Variants in GRAMD4 observed in about 807,000 individuals in gnomAD.
The protein encoded by GRAMD4 is GRAM domain-containing protein 4.
GRAMD4 carries 25 observed loss-of-function variants against 83.9 expected under a neutral mutation model. The ratio of observed to expected loss-of-function variants is 0.30; its 90% CI spans 0.22 to 0.42. The LOEUF is 0.42. GRAMD4 is among the 10% of genes least tolerant of loss of function. The pLI is 1.00. For synonymous variants in GRAMD4, 336 were observed against 320.9 expected (o/e 1.05, Z -0.50); for missense variants, 593 against 788.7 (o/e 0.75, Z 2.97).
intron 13 of GRAMD4, among the ~76,000 whole-genome samples, chr22:46,669,985 G>A (rs776355969): frequency 2.0e-4 from 30 of 152,216 alleles, no homozygotes; most frequent in East Asian, 3.9e-4. Context: ...ATGTGGGAGC[G>A]AGGCCGCCAG....
intron 3 of GRAMD4, among the ~76,000 whole-genome samples, chr22:46,650,745 G>A (rs762820639): frequency 1.3e-5 from 2 of 152,178 alleles, no homozygotes; most frequent in Non-Finnish European, 1.5e-5. Context: ...GTCCTGTCCC[G>A]GGGGCTCCTA....
chr22:46,614,607 C>T (rs1451550415), intron 1 of GRAMD4, among the ~76,000 whole-genome samples: 3 of 152,158 alleles, frequency 2.0e-5, no homozygotes, highest in East Asian at 1.9e-4. Context: ...AGGGGCCAAC[C>T]GTGGAGACAG....
chr22:46,680,577 T>TCCAC (rs1569313349), downstream of GRAMD4, among the ~76,000 whole-genome samples: 56 of 15,212 alleles, frequency 3.7e-3, 1 homozygote, highest in Non-Finnish European at 5.6e-3. Flanking sequence ...CATCCATCCA[T>TCCAC]CCATCCATCC....
chr22:46,578,080 G>C (rs956486741), intron 1 of GRAMD4, among the ~76,000 whole-genome samples: 2 of 152,188 alleles, frequency 1.3e-5, no homozygotes, highest in African/African-American at 4.8e-5. Context: ...ACCTGAGTGT[G>C]ACTCCCCCAG....
intron 3 of GRAMD4, among the ~76,000 whole-genome samples, chr22:46,643,188 C>CATCCCTGG: frequency 1.3e-5 from 1 of 76,008 alleles, no homozygotes; most frequent in Admixed American, 1.5e-4. Context: ...TCCATCCATC[C>CATCCCTGG]ATCCATCCAT....
chr22:46,644,429 T>A (rs2082036829), intron 3 of GRAMD4, among the ~76,000 whole-genome samples: 1 of 152,174 alleles, frequency 6.6e-6, no homozygotes, highest in Non-Finnish European at 1.5e-5. Context: ...CACCTGCCCC[T>A]GTTCCGTGTT....
At chr22:46,576,476 T>C (rs1451940517), upstream of GRAMD4, among the ~76,000 whole-genome samples, 2 of 152,060 alleles carry the variant, frequency 1.3e-5, no homozygotes, top group Non-Finnish European at 2.9e-5. Context: ...CCTGGGGAGA[T>C]GCAGGGGTGT....
intron 1 of GRAMD4, among the ~76,000 whole-genome samples, chr22:46,624,858 AT>A (rs138482): frequency 0.37 from 43,126 of 116,674 alleles, 7,405 homozygotes; most frequent in East Asian, 0.57. Context: ...GTCCTGTGGG[AT>A]TTTTTTTTTT....
In GRAMD4 at chr22:46,668,119, T is replaced by A. The variant is rs1180098109; in HGVS notation, c.882T>A (p.Thr294=). The A allele has an allele frequency of 1.9e-6, 3 of 1,611,706 alleles. No individual in the cohort carries two copies. In the African/African-American group the frequency reaches 4.0e-5, roughly 22 times the overall value. The change falls in exon 11 of 19, where the codon ACT becomes ACA. Residue 294 remains threonine, a synonymous_variant. Transcript: ENST00000406902. Reference sequence around the variant, plus strand: ...AGGAACCTCCAAAGGAAGACCTGACTGTGTCTGAGAAGTTCCAGCTGGTGC... The same window carrying A: ...AGGAACCTCCAAAGGAAGACCTGACAGTGTCTGAGAAGTTCCAGCTGGTGC... ...EPVEPPKEDL[T]VSEKFQLVLD... is the part of the protein sequence containing the mutation.
At position 46,677,816 on chromosome 22, in the gene GRAMD4, G is replaced by C; in HGVS notation, c.*565G>C. On this transcript the variant is annotated 3_prime_UTR_variant, in exon 19 of 19. Transcript: ENST00000406902. ...GACCCTCCTGTGGCATTTGCCCTTG[G>C]TGCCGGGCTGGGGCCGGGCGCAGTG... 8.1e-6 allele frequency: 8 copies of C among 985,614 alleles called. No homozygotes were observed. Among genetic ancestry groups the C allele is most frequent in the Non-Finnish European group, 9.6e-6 (8 of 830,106 alleles). 61.1% of individuals were successfully genotyped at this position (985,614 alleles called of 1,614,324 possible). A position where few individuals can be genotyped will look rare whatever the true frequency, so the allele number is the denominator to read the frequency against.
chr22:46,589,914 C>G (rs2081189883), intron 1 of GRAMD4, among the ~76,000 whole-genome samples: 1 of 152,182 alleles, frequency 6.6e-6, no homozygotes, highest in Non-Finnish European at 1.5e-5. Context: ...CTTTCTGCAG[C>G]TTTCTCCCTA....
chr22:46,628,867 G>A (rs905134761), intron 2 of GRAMD4, among the ~76,000 whole-genome samples: 5 of 152,124 alleles, frequency 3.3e-5, no homozygotes, highest in African/African-American at 1.2e-4. Context: ...GGCTCCTGGG[G>A]GTGGCAGAGG....
chr22:46,626,047 G>A (rs925627645), intron 1 of GRAMD4, among the ~76,000 whole-genome samples: 4 of 152,226 alleles, frequency 2.6e-5, no homozygotes, highest in African/African-American at 7.2e-5. Flanking sequence ...GAGGTGGTGC[G>A]ATCTGAATGT....
At chr22:46,592,681 T>C (rs564507572) in intron 1 of GRAMD4, among the ~76,000 whole-genome samples, 2 of 152,166 alleles carry the variant, frequency 1.3e-5, no homozygotes, top group African/African-American at 4.8e-5. Flanking sequence ...GCGGCCCACA[T>C]GTATGGTGAC....
intron 1 of GRAMD4, among the ~76,000 whole-genome samples, chr22:46,577,976 G>C (rs1176942059): frequency 6.6e-6 from 1 of 152,214 alleles, no homozygotes; most frequent in Non-Finnish European, 1.5e-5. Flanking sequence ...GGACAAGGGA[G>C]GGAGGAGAGC....
chr22:46,640,180 G>A (rs778329305), intron 3 of GRAMD4, among the ~76,000 whole-genome samples: 1 of 152,214 alleles, frequency 6.6e-6, no homozygotes, highest in Non-Finnish European at 1.5e-5. Context: ...CTCACGAATT[G>A]CCTTTCTGTG....
At chr22:46,625,269 A>G (rs1272311548) in intron 1 of GRAMD4, among the ~76,000 whole-genome samples, 1 of 152,136 alleles carries the variant, frequency 6.6e-6, no homozygotes, top group Non-Finnish European at 1.5e-5. Flanking sequence ...TGTGGCTCAG[A>G]GTGGGTTCTA....
intron 17 of GRAMD4, among the ~76,000 whole-genome samples, 177 bp from the exon 18 acceptor site, chr22:46,676,423 G>A (rs556344067): frequency 5.3e-5 from 8 of 152,324 alleles, no homozygotes; most frequent in East Asian, 1.9e-4. Flanking sequence ...CTGGTGTCTC[G>A]GCCACAAAGT....
rs372025092 is a variant in GRAMD4, at chr22:46,663,130, A to T, written c.557A>T (p.Glu186Val). 3.6e-5 allele frequency: 58 copies of T among 1,612,270 alleles called. No homozygotes were observed. Among genetic ancestry groups the T allele is most frequent in the Non-Finnish European group, 4.7e-5 (55 of 1,179,680 alleles). Residue 186 changes from glutamate (E) to valine (V), a missense_variant, in exon 6 of 19, where the codon GAG becomes GTG. Glu to Val is a moderately radical substitution (Grantham distance 121, BLOSUM62 -2). This residue lies in a region of GRAMD4 where 312 missense variants were observed against 350.7 expected (regional missense o/e 0.89). Transcript: ENST00000406902. ...EYVEDFRFQP[E>V]ENTVETEEPL... ...GTGGAGGACTTCCGGTTCCAGCCCG[A>T]GGAGAACACTGTGGAGACAGAGGAA... is the stretch of plus-strand genomic sequence containing the variant.
Sources: allele counts gnomAD v4.1 joint callset (sites outside exome capture counted in the v4.1 genomes callset), GRCh38; gene constraint gnomAD v4.1.1; regional missense constraint gnomAD v4.1.1; transcripts MANE v1.5; gene names NCBI Gene and HGNC (gene_info 2026-07-23, HGNC 2026-07-21).